PLBD1: variants seen among roughly 807,000 people sequenced by gnomAD.
PLBD1 encodes phospholipase B domain containing 1.
In PLBD1, 60 loss-of-function variants were observed where a neutral mutation model predicts 63.0. That is an observed-to-expected ratio of 0.95 (90% CI 0.77 to 1.18). The LOEUF is 1.18. PLBD1 is among the 50% of genes most tolerant of loss of function. The pLI, the probability that PLBD1 is intolerant of heterozygous loss-of-function variation, is 0.00. For missense variants in PLBD1, 598 were observed against 677.9 expected (o/e 0.88, Z 1.31); for synonymous variants, 262 against 248.0 (o/e 1.06, Z -0.53).
At chr12:14,544,761 A>G (rs1268241953) in intron 2 of PLBD1, among the ~76,000 whole-genome samples, 1 of 151,940 alleles carries the variant, frequency 6.6e-6, no homozygotes, top group Non-Finnish European at 1.5e-5. Context: ...TAACTTCTAT[A>G]ATTTTCTTTT....
intron 6 of PLBD1, among the ~76,000 whole-genome samples, chr12:14,513,049 T>C (rs796073266): frequency 6.6e-6 from 1 of 152,326 alleles, no homozygotes; most frequent in African/African-American, 2.4e-5. Flanking sequence ...CTACCATGAT[T>C]TTTTACCACT....
Position 14,542,199 on chromosome 12 carries a change from T to C in PLBD1, c.419+9A>G. On this transcript the variant is annotated intron_variant, in intron 3 of 10. Coordinates refer to ENST00000240617, the MANE Select transcript of PLBD1 (RefSeq NM_024829.6). ...AAAACAATGAAAAGAGAAAAGCTAT[T>C]ATACGTACTCCATAAAATCCTGCAC... The C allele has an allele frequency of 1.3e-6, 2 of 1,580,236 alleles. No individual in the cohort carries two copies. The highest frequency in any genetic ancestry group is 1.7e-6 in the Non-Finnish European group (2 of 1,149,152).
intron 2 of PLBD1, among the ~76,000 whole-genome samples, chr12:14,548,078 A>G (rs138069441): frequency 8.5e-4 from 130 of 152,328 alleles, no homozygotes; most frequent in African/African-American, 2.9e-3. Flanking sequence ...TGTAAATGGT[A>G]TATAAGTGAT....
At chr12:14,521,131 C>T (rs1945372523) in intron 6 of PLBD1, among the ~76,000 whole-genome samples, 1 of 152,100 alleles carries the variant, frequency 6.6e-6, no homozygotes, top group African/African-American at 2.4e-5. Context: ...TCCTATCCAC[C>T]AGGAATAAGC....
chr12:14,550,152 G>A (rs1945645725), intron 2 of PLBD1, among the ~76,000 whole-genome samples: 2 of 152,136 alleles, frequency 1.3e-5, no homozygotes, highest in African/African-American at 4.8e-5. Flanking sequence ...TGACTATTCT[G>A]GCCACTGGAG....
intron 8 of PLBD1, among the ~76,000 whole-genome samples, chr12:14,508,029 G>C (rs1320123076): frequency 6.6e-6 from 1 of 152,158 alleles, no homozygotes; most frequent in African/African-American, 2.4e-5. Context: ...CTCCTCTTTA[G>C]GGGTGAGGTT....
At chr12:14,505,778 G>C (rs1355045634) in intron 10 of PLBD1, among the ~76,000 whole-genome samples, 1 of 152,132 alleles carries the variant, frequency 6.6e-6, no homozygotes, top group Non-Finnish European at 1.5e-5. Context: ...TTGGACTTTG[G>C]GCCAGTCTGG....
At chr12:14,563,640 A>G (rs1459513571) in intron 1 of PLBD1, among the ~76,000 whole-genome samples, 1 of 152,352 alleles carries the variant, frequency 6.6e-6, no homozygotes, top group East Asian at 1.9e-4. Flanking sequence ...TCAATTATAC[A>G]GCACTTACTG....
At chr12:14,512,058 G>A (rs763348807) in intron 6 of PLBD1, among the ~76,000 whole-genome samples, 1 of 152,150 alleles carries the variant, frequency 6.6e-6, no homozygotes, top group Non-Finnish European at 1.5e-5. Context: ...TTTTTAATTA[G>A]GGAGGGGATT....
At chr12:14,554,454 T>A (rs1381059206) in intron 1 of PLBD1, among the ~76,000 whole-genome samples, 1 of 152,208 alleles carries the variant, frequency 6.6e-6, no homozygotes, top group Non-Finnish European at 1.5e-5. Flanking sequence ...GAGCTATTGC[T>A]AGAATCTCTC....
intron 4 of PLBD1, among the ~76,000 whole-genome samples, chr12:14,539,704 T>C (rs1945549851): frequency 6.6e-6 from 1 of 151,124 alleles, no homozygotes; most frequent in South Asian, 2.1e-4. Context: ...GAGAATCACC[T>C]GAACCCAGGA....
At position 14,540,642 on chromosome 12, in the gene PLBD1, G is replaced by A. The variant is rs576363209; in HGVS notation, c.558+122C>T. The A allele has an allele frequency of 4.1e-4, 451 of 1,096,470 alleles. 3 individuals carry two copies. In the African/African-American group the frequency reaches 6.2e-3, roughly 15 times the overall value. 67.9% of individuals were successfully genotyped at this position (1,096,470 alleles called of 1,614,324 possible). On this transcript the variant is annotated intron_variant, in intron 4 of 10. Transcript: ENST00000240617. The stretch of plus-strand genomic sequence containing the variant: ...ATGAGAGCTATGACAGTTCTTTTCC[G>A]TAAGGAATTTATACTGTAGTTCTAC...
At position 14,535,749 on chromosome 12, in the gene PLBD1, C is replaced by CG. The variant is rs1301980457; in HGVS notation, c.753_754insC (p.Ala252ArgfsTer8). On this transcript the variant is annotated frameshift_variant, in exon 6 of 11. Coordinates refer to ENST00000240617, the MANE Select transcript of PLBD1 (RefSeq NM_024829.6). LOFTEE classifies it high-confidence loss of function. ...TGTTTATATATCCTGAGCATGGCTGCATACGTGTACCAGCTTGAGTGAGCA... is the reference window on the plus strand; with the variant it reads ...TGTTTATATATCCTGAGCATGGCTGCGATACGTGTACCAGCTTGAGTGAGCA... 2 of 1,614,028 alleles carry CG rather than the reference C, an allele frequency of 1.2e-6. No individual in the cohort carries two copies. The highest frequency in any genetic ancestry group is 1.7e-6 in the Non-Finnish European group (2 of 1,179,898).
chr12:14,527,182 A>G (rs1188065650), intron 6 of PLBD1, among the ~76,000 whole-genome samples: 2 of 152,192 alleles, frequency 1.3e-5, no homozygotes, highest in African/African-American at 4.8e-5. Flanking sequence ...TCTAATAGAC[A>G]ACACATTTAT....
chr12:14,542,840 G>A (rs751987488), intron 2 of PLBD1, among the ~76,000 whole-genome samples: 24 of 152,318 alleles, frequency 1.6e-4, no homozygotes, highest in Admixed American at 7.8e-4. Flanking sequence ...AAGGTCAGGA[G>A]ATCGAGACCA....
intron 2 of PLBD1, among the ~76,000 whole-genome samples, chr12:14,551,692 C>T (rs1253513418): frequency 6.3e-5 from 2 of 31,518 alleles, no homozygotes; most frequent in Non-Finnish European, 2.9e-4. Context: ...ATTAGAGCTG[C>T]TTTCTGCAAA....
At chr12:14,509,584 G>C (rs534226939) in intron 8 of PLBD1, among the ~76,000 whole-genome samples, 2 of 152,310 alleles carry the variant, frequency 1.3e-5, no homozygotes, top group South Asian at 4.1e-4. Context: ...ATAAGTCTTA[G>C]TGCATTTAGT....
At chr12:14,520,016 C>G (rs1412242251) in intron 6 of PLBD1, among the ~76,000 whole-genome samples, 2 of 152,138 alleles carry the variant, frequency 1.3e-5, no homozygotes, top group Admixed American at 6.5e-5. Context: ...TGTCCTGTTC[C>G]CTGACTGACC....
At chr12:14,506,845 T>C (rs956014472) in intron 9 of PLBD1, 88 bp downstream of exon 9, 73 of 1,188,840 alleles carry the variant, frequency 6.1e-5, no homozygotes, top group Non-Finnish European at 6.4e-5. Flanking sequence ...TTCCTTCTAG[T>C]ACAGAGATGA....
Sources: gnomAD v4.1 joint callset for allele counts (sites outside exome capture counted in the v4.1 genomes callset) on GRCh38, gnomAD v4.1.1 for gene constraint, MANE v1.5 for transcripts, NCBI Gene and HGNC (gene_info 2026-07-23, HGNC 2026-07-21) for gene names.